SPP2: variants seen among roughly 807,000 people sequenced by gnomAD.
SPP2 encodes secreted phosphoprotein 24.
In SPP2, 34 loss-of-function variants were observed where a neutral mutation model predicts 28.8. The ratio of observed to expected loss-of-function variants is 1.18; its 90% CI spans 0.90 to 1.57. SPP2 has a LOEUF of 1.57. SPP2 is among the 40% of genes most tolerant of loss of function. The pLI is 0.00. For synonymous variants in SPP2, 96 were observed against 89.4 expected, an observed-to-expected ratio of 1.07 and a Z score of -0.42; for missense variants, 269 against 263.9, an observed-to-expected ratio of 1.02 and a Z score of -0.13.
chr2:234,060,256 G>GT, intron 3 of SPP2, 113 bp from the exon 4 acceptor site: 3 of 731,466 alleles, frequency 4.1e-6, no homozygotes, highest in Non-Finnish European at 7.0e-6. Flanking sequence ...CCTCTGTGAA[G>GT]TTTTTCTTTG....
chr2:234,059,305 C>G (rs1056249468), intron 3 of SPP2, among the ~76,000 whole-genome samples: 3 of 152,208 alleles, frequency 2.0e-5, no homozygotes, highest in Non-Finnish European at 4.4e-5. Flanking sequence ...GAAACACTGA[C>G]TCTTCCTGGC....
At chr2:234,060,327 A>G in intron 3 of SPP2, 42 bp from the exon 4 acceptor site, 1 of 1,436,320 alleles carries the variant, frequency 7.0e-7, no homozygotes, top group African/African-American at 1.4e-5. Context: ...ATCCCTTTCC[A>G]CAAACAGCTG....
chr2:234,075,938 G>A (rs868225800), intron 7 of SPP2, among the ~76,000 whole-genome samples: 5 of 152,128 alleles, frequency 3.3e-5, no homozygotes, highest in South Asian at 2.1e-4. Flanking sequence ...GTTGGTCACC[G>A]AGGTCTGCTA....
intron 7 of SPP2, among the ~76,000 whole-genome samples, chr2:234,074,918 T>C (rs1690866497): frequency 6.6e-6 from 1 of 151,584 alleles, no homozygotes; most frequent in Admixed American, 6.6e-5. Context: ...ATCACAGCCT[T>C]TTTGCACTTA....
In SPP2 at chr2:234,060,717, A is replaced by T. The variant is rs183042519; in HGVS notation, c.444+238A>T. ...CTCTCTCTTTCTCTCTCTCTCTCTC[A>T]CACACACACACATATGCACACACAC... On this transcript the variant is annotated intron_variant, in intron 4 of 7. Transcript: ENST00000168148. 5.2e-4 allele frequency among the ~76,000 whole-genome samples: 77 copies of T among 149,236 alleles called. 1 individual carries two copies. Among genetic ancestry groups the T allele is most frequent in the South Asian group, 3.1e-3 (15 of 4,784 alleles).
At chr2:234,071,086 C>G (rs940894352) in intron 7 of SPP2, among the ~76,000 whole-genome samples, 34 of 152,054 alleles carry the variant, frequency 2.2e-4, no homozygotes, top group Non-Finnish European at 4.7e-4. Context: ...CACTGACTCC[C>G]CTTCATCCTT....
intron 2 of SPP2, among the ~76,000 whole-genome samples, chr2:234,055,058 T>C (rs11563196): frequency 0.044 from 6,764 of 152,272 alleles, 489 homozygotes; most frequent in African/African-American, 0.15. Flanking sequence ...TAAGTGACCA[T>C]TGATGCCCTA....
chr2:234,052,759 C>T (rs1291277242), intron 2 of SPP2, among the ~76,000 whole-genome samples: 1 of 152,196 alleles, frequency 6.6e-6, no homozygotes, highest in Non-Finnish European at 1.5e-5. Flanking sequence ...ATTCATTGGT[C>T]AAGCTACAGT....
intron 7 of SPP2, among the ~76,000 whole-genome samples, chr2:234,074,302 A>G (rs1036024994): frequency 6.6e-6 from 1 of 152,206 alleles, no homozygotes; most frequent in African/African-American, 2.4e-5. Context: ...AAAGACTTTA[A>G]TTGATAGGAA....
chr2:234,065,016 C>A (rs250979), intron 4 of SPP2, among the ~76,000 whole-genome samples: 51,664 of 152,100 alleles, frequency 0.34, 9,308 homozygotes, highest in Non-Finnish European at 0.4. Flanking sequence ...CATTCATGTG[C>A]AAGTTTTTGT....
chr2:234,059,089 T>A, intron 3 of SPP2, 131 bp downstream of exon 3: 1 of 1,092,530 alleles, frequency 9.2e-7, no homozygotes, highest in Non-Finnish European at 1.3e-6. Context: ...ATGTGGACAT[T>A]GTGTCCCCTG....
At chr2:234,061,832 C>T (rs1322710773) in intron 4 of SPP2, among the ~76,000 whole-genome samples, 5 of 152,138 alleles carry the variant, frequency 3.3e-5, no homozygotes, top group Non-Finnish European at 5.9e-5. Context: ...TGATTGATCC[C>T]GTCACACTGG....
intron 7 of SPP2, among the ~76,000 whole-genome samples, chr2:234,073,360 G>C (rs1314935184): frequency 6.6e-6 from 1 of 152,214 alleles, no homozygotes; most frequent in Non-Finnish European, 1.5e-5. Flanking sequence ...AGGGAAGAAT[G>C]AATGAGTGCA....
In SPP2 at chr2:234,053,910, G is replaced by A. The variant is rs1693551378; in HGVS notation, c.210+2815G>A. Among the ~76,000 whole-genome samples, 3 of 152,058 alleles carry A rather than the reference G, an allele frequency of 2.0e-5. No homozygotes were observed. The South Asian group carries it at 6.3e-4, about 32-fold the overall frequency. On this transcript the variant is annotated intron_variant, in intron 2 of 7. Coordinates refer to ENST00000168148, the MANE Select transcript of SPP2 (RefSeq NM_006944.3). ...AGCAGTTTCTACCAGGGAAAGAGAG[G>A]GAAAGGAGATGGGGAGGGAGGGGAA...
At chr2:234,058,509 G>A (rs1004870977) in intron 2 of SPP2, among the ~76,000 whole-genome samples, 1 of 152,180 alleles carries the variant, frequency 6.6e-6, no homozygotes, top group South Asian at 2.1e-4. Context: ...AAATTTTAGT[G>A]AGTAGGTGAG....
chr2:234,075,003 A>G (rs1160657605), intron 7 of SPP2, among the ~76,000 whole-genome samples: 3 of 28,974 alleles, frequency 1.0e-4, no homozygotes, highest in African/African-American at 2.2e-4. Context: ...AAAAATGCAA[A>G]AAAAAAAAAA....
intron 7 of SPP2, among the ~76,000 whole-genome samples, chr2:234,075,396 T>C (rs1690876221): frequency 6.6e-6 from 1 of 152,094 alleles, no homozygotes; most frequent in Non-Finnish European, 1.5e-5. Flanking sequence ...CCTCAGGCAG[T>C]CTCTCCTCCT....
intron 4 of SPP2, 135 bp from the exon 5 acceptor site, chr2:234,066,398 A>G (rs1488036307): frequency 7.0e-6 from 5 of 712,040 alleles, no homozygotes; most frequent in Non-Finnish European, 1.2e-5. Flanking sequence ...ATTTAATATA[A>G]CGTATTGCCT....
chr2:234,069,837 A>G (rs1693897879), intron 6 of SPP2, 91 bp from the exon 7 acceptor site: 1 of 1,039,634 alleles, frequency 9.6e-7, no homozygotes. Context: ...GCTTGTCACA[A>G]TCCTCCTCAT....
Sources: gnomAD v4.1 joint callset for allele counts (sites outside exome capture counted in the v4.1 genomes callset) on GRCh38, gnomAD v4.1.1 for gene constraint, MANE v1.5 for transcripts, NCBI Gene and HGNC (gene_info 2026-07-23, HGNC 2026-07-21) for gene names.